The following MORC1 variants were observed in gnomAD, a reference collection of about 807,000 sequenced individuals.
MORC1 encodes the protein MORC family CW-type zinc finger 1, also known as MORC family CW-type zinc finger protein 1.
MORC1 carries 59 observed loss-of-function variants against 134.9 expected under a neutral mutation model. The observed-to-expected ratio is 0.44, with a 90% CI of 0.35 to 0.54. MORC1 has a LOEUF of 0.54. Among genes scored for constraint, MORC1 ranks in the 20% least tolerant of loss-of-function variants. The pLI is 0.00. For missense variants in MORC1, 947 were observed against 1,134.5 expected (o/e 0.83, Z 2.37); for synonymous variants, 395 against 391.7 (o/e 1.01, Z -0.10).
At chr3:108,987,702 A>G (rs113030751) in intron 21 of MORC1, among the ~76,000 whole-genome samples, 8 of 152,030 alleles carry the variant, frequency 5.3e-5, no homozygotes, top group African/African-American at 1.9e-4. Flanking sequence ...CACTTTGGGA[A>G]TCCTGTTAAG....
intron 17 of MORC1, among the ~76,000 whole-genome samples, chr3:109,022,013 TA>T (rs1948968422): frequency 2.0e-5 from 3 of 152,220 alleles, no homozygotes; most frequent in Non-Finnish European, 4.4e-5. Context: ...CAAGTGTGAA[TA>T]TATCATGCAT....
intron 1 of MORC1, among the ~76,000 whole-genome samples, chr3:109,116,929 G>T (rs1181896943): frequency 6.6e-6 from 1 of 152,174 alleles, no homozygotes; most frequent in Non-Finnish European, 1.5e-5. Flanking sequence ...AGGGTGGTTT[G>T]GGGGAATGGA....
Position 109,063,222 on chromosome 3 carries a change from A to C in MORC1, c.825T>G (p.Leu275=). The change falls in exon 10 of 28, where the codon CTT becomes CTG. Residue 275 remains leucine (L), a synonymous_variant. Coordinates refer to ENST00000232603, the MANE Select transcript of MORC1 (RefSeq NM_014429.4). ...CTCCTTTAAAAGAAGATGTGACATA[A>C]AGATACTTTCTGGAAAGAAACAAAA... ...CYCLYRPRKY[L]YVTSSFKGAF... 7 of 1,579,394 alleles carry C rather than the reference A, an allele frequency of 4.4e-6. No individual in the cohort carries two copies. Among genetic ancestry groups the C allele is most frequent in the Non-Finnish European group, 6.1e-6 (7 of 1,151,400 alleles).
chr3:108,988,108 C>T (rs1947944757), intron 21 of MORC1, among the ~76,000 whole-genome samples: 3 of 152,106 alleles, frequency 2.0e-5, no homozygotes. Flanking sequence ...AGGATGTCAA[C>T]TCTCTTTTTT....
chr3:109,082,263 AC>A (rs1012610697), intron 8 of MORC1, among the ~76,000 whole-genome samples: 1 of 151,784 alleles, frequency 6.6e-6, no homozygotes, highest in African/African-American at 2.4e-5. Flanking sequence ...AAAAAAAAAA[AC>A]CACCAGGTAA....
At chr3:109,067,460 C>A in intron 9 of MORC1, among the ~76,000 whole-genome samples, 1 of 152,162 alleles carries the variant, frequency 6.6e-6, no homozygotes. Flanking sequence ...GCAATATACT[C>A]GAATGGGAAG....
intron 8 of MORC1, among the ~76,000 whole-genome samples, chr3:109,073,945 T>C (rs568467726): frequency 6.6e-6 from 1 of 152,282 alleles, no homozygotes; most frequent in African/African-American, 2.4e-5. Flanking sequence ...CACAAAGTAA[T>C]GAAAGTGTTT....
At chr3:109,116,120 G>A (rs1171780103) in intron 1 of MORC1, among the ~76,000 whole-genome samples, 5 of 152,158 alleles carry the variant, frequency 3.3e-5, no homozygotes, top group African/African-American at 1.2e-4. Flanking sequence ...GTCATGCAGG[G>A]CTTCCTAGCC....
At chr3:109,098,156 C>A (rs1170091519) in intron 6 of MORC1, among the ~76,000 whole-genome samples, 1 of 151,962 alleles carries the variant, frequency 6.6e-6, no homozygotes, top group Non-Finnish European at 1.5e-5. Context: ...AGTGATCCTC[C>A]CTCTTCAGCC....
At chr3:109,090,829 A>C (rs891109615) in intron 8 of MORC1, among the ~76,000 whole-genome samples, 5 of 152,070 alleles carry the variant, frequency 3.3e-5, no homozygotes, top group Non-Finnish European at 7.4e-5. Flanking sequence ...CAAGATTTGA[A>C]AATTGTTTTG....
chr3:109,011,639 A>AG (rs1948688519), intron 17 of MORC1, among the ~76,000 whole-genome samples: 1 of 151,806 alleles, frequency 6.6e-6, no homozygotes, highest in South Asian at 2.1e-4. Flanking sequence ...CTACTGCTTC[A>AG]GCCTCCAGAG....
chr3:109,057,298 C>T, intron 13 of MORC1, 45 bp downstream of exon 13: 1 of 1,568,556 alleles, frequency 6.4e-7, no homozygotes, highest in South Asian at 1.2e-5. Flanking sequence ...CTTACTGTAA[C>T]ATCCCTTTCT....
At chr3:109,020,897 C>T (rs72935349) in intron 17 of MORC1, among the ~76,000 whole-genome samples, 1 of 152,004 alleles carries the variant, frequency 6.6e-6, no homozygotes, top group African/African-American at 2.4e-5. Context: ...GTACAAGATA[C>T]AAGGTTTAAG....
At chr3:109,114,566 A>G (rs1951231800) in intron 1 of MORC1, 129 bp from the exon 2 acceptor site, 1 of 746,824 alleles carries the variant, frequency 1.3e-6, no homozygotes, top group African/African-American at 1.8e-5. Flanking sequence ...TACTCTAGAA[A>G]CAACTCTCTC....
At chr3:109,007,731 C>T (rs16855206) in intron 17 of MORC1, among the ~76,000 whole-genome samples, 24,275 of 152,084 alleles carry the variant, frequency 0.16, 2,170 homozygotes, top group African/African-American at 0.23. Flanking sequence ...TCTTCTATGC[C>T]GTCATGGCAT....
At chr3:109,062,091 C>T in intron 10 of MORC1, 33 bp from the exon 11 acceptor site, 1 of 1,598,104 alleles carries the variant, frequency 6.3e-7, no homozygotes, top group Non-Finnish European at 8.6e-7. Context: ...TATAACACAG[C>T]AAAATTATTT....
chr3:108,976,697 C>T (rs1241346287), intron 24 of MORC1, among the ~76,000 whole-genome samples: 2 of 152,066 alleles, frequency 1.3e-5, no homozygotes, highest in African/African-American at 2.4e-5. Flanking sequence ...AATCACCATA[C>T]AAAATTTAAG....
intron 9 of MORC1, among the ~76,000 whole-genome samples, chr3:109,067,804 C>T (rs371379272): frequency 6.6e-6 from 1 of 152,100 alleles, no homozygotes; most frequent in Non-Finnish European, 1.5e-5. Flanking sequence ...AAAGCTTTTG[C>T]GAAATCCATT....
chr3:109,071,747 G>A (rs928636534), intron 8 of MORC1, among the ~76,000 whole-genome samples: 13 of 152,078 alleles, frequency 8.5e-5, no homozygotes, highest in African/African-American at 2.9e-4. Flanking sequence ...GTTTTTATTG[G>A]GAAGCTAGCC....
Sources: allele counts gnomAD v4.1 joint callset (sites outside exome capture counted in the v4.1 genomes callset), GRCh38; gene constraint gnomAD v4.1.1; transcripts MANE v1.5; gene names NCBI Gene and HGNC (gene_info 2026-07-23, HGNC 2026-07-21).